Variants in ZFHX3 observed in about 807,000 individuals in gnomAD.
The protein encoded by ZFHX3 is zinc finger homeobox 3.
Under a neutral mutation model 279.1 loss-of-function variants are expected in ZFHX3, and 42 were observed. The ratio of observed to expected loss-of-function variants is 0.15; its 90% confidence interval spans 0.12 to 0.19. The LOEUF is 0.19. Ranked by LOEUF, ZFHX3 falls within the 10% of genes least tolerant of loss-of-function variation. The pLI is 1.00. For synonymous variants in ZFHX3, 2,293 were observed against 1,957.8 expected (o/e 1.17, Z -4.52); for missense variants, 4,981 against 4,754.0 (o/e 1.05, Z -1.40).
intron 5 of ZFHX3, among the ~76,000 whole-genome samples, chr16:73,253,288 A>T (rs2013563960): frequency 6.6e-6 from 1 of 152,162 alleles, no homozygotes; most frequent in South Asian, 2.1e-4. Context: ...AAACAGCAAG[A>T]GTGTGGGTGT....
intron 1 of ZFHX3, among the ~76,000 whole-genome samples, chr16:73,726,638 G>A (rs987862413): frequency 3.3e-5 from 5 of 152,212 alleles, no homozygotes; most frequent in African/African-American, 1.2e-4. Context: ...GGAGGCCTCA[G>A]AGAGCTTTTA....
chr16:73,441,808 T>C (rs1297361510), intron 3 of ZFHX3, among the ~76,000 whole-genome samples: 3 of 152,162 alleles, frequency 2.0e-5, no homozygotes, highest in Non-Finnish European at 2.9e-5. Flanking sequence ...TGGAAAACCA[T>C]TGACTTGAAA....
At chr16:73,576,695 T>TA (rs1244014856) in intron 2 of ZFHX3, among the ~76,000 whole-genome samples, 2 of 117,290 alleles carry the variant, frequency 1.7e-5, no homozygotes, top group Non-Finnish European at 3.3e-5. Flanking sequence ...TAAAGAACAT[T>TA]AAAAAAACAA....
intron 4 of ZFHX3, among the ~76,000 whole-genome samples, chr16:72,854,742 A>C (rs2037706994): frequency 6.6e-6 from 1 of 152,090 alleles, no homozygotes; most frequent in African/African-American, 2.4e-5. Context: ...AGATCAGCAA[A>C]ACAAAACCAC....
At chr16:73,698,743 G>A (rs1307314499) in intron 1 of ZFHX3, among the ~76,000 whole-genome samples, 4 of 152,162 alleles carry the variant, frequency 2.6e-5, no homozygotes, top group Admixed American at 2.6e-4. Flanking sequence ...CTGAGGAAAT[G>A]TCACAGATAG....
chr16:73,843,659 T>C (rs2142372428), intron 1 of ZFHX3, among the ~76,000 whole-genome samples: 1 of 152,328 alleles, frequency 6.6e-6, no homozygotes, highest in South Asian at 2.1e-4. Context: ...CTGCCTTCAA[T>C]CCCCGCTTCT....
chr16:72,786,981 T>TA lies in ZFHX3; in HGVS notation c.*182dup. 2 of 490,582 alleles carry TA rather than the reference T, an allele frequency of 4.1e-6. No individual in the cohort carries two copies. Among genetic ancestry groups the TA allele is most frequent in the Non-Finnish European group, 6.1e-6 (2 of 327,354 alleles). The allele number at this position is 490,582 out of a possible 1,614,324, so 30.4% of individuals were successfully genotyped here. The stretch of plus-strand genomic sequence containing the variant: ...AAAAGAAAAGAAAAAGACAAGAATG[T>TA]AAAATCACCGGCATAGATAGGTATA... On this transcript the variant is annotated 3_prime_UTR_variant, in exon 10 of 10. Coordinates refer to ENST00000268489, the MANE Select transcript of ZFHX3 (RefSeq NM_006885.4).
intron 2 of ZFHX3, among the ~76,000 whole-genome samples, chr16:73,675,160 G>A (rs2052941989): frequency 6.6e-6 from 1 of 152,038 alleles, no homozygotes; most frequent in Non-Finnish European, 1.5e-5. Flanking sequence ...TATGTTAAGA[G>A]GGAATGTTTC....
chr16:73,101,932 G>A (rs1421392499), intron 7 of ZFHX3, among the ~76,000 whole-genome samples: 1 of 45,460 alleles, frequency 2.2e-5, no homozygotes, highest in Non-Finnish European at 4.5e-5. Flanking sequence ...TTTTTTTTTT[G>A]AGACAGGATC....
At chr16:73,802,734 A>G (rs1197598756) in intron 1 of ZFHX3, among the ~76,000 whole-genome samples, 1 of 152,222 alleles carries the variant, frequency 6.6e-6, no homozygotes, top group Non-Finnish European at 1.5e-5. Flanking sequence ...ACAAGAACAA[A>G]ATAACAATAG....
intron 1 of ZFHX3, among the ~76,000 whole-genome samples, chr16:73,712,778 C>T (rs533296934): frequency 4.6e-5 from 7 of 152,166 alleles, no homozygotes; most frequent in East Asian, 1.9e-4. Flanking sequence ...TTGTTTTCAC[C>T]GTAAGAGGGG....
At chr16:73,785,868 C>A (rs1021623043) in intron 1 of ZFHX3, among the ~76,000 whole-genome samples, 1 of 151,966 alleles carries the variant, frequency 6.6e-6, no homozygotes, top group Non-Finnish European at 1.5e-5. Context: ...CATTTCTAAT[C>A]TTGAATGATT....
At chr16:73,479,981 C>T (rs1331267875) in intron 2 of ZFHX3, among the ~76,000 whole-genome samples, 1 of 152,178 alleles carries the variant, frequency 6.6e-6, no homozygotes, top group African/African-American at 2.4e-5. Flanking sequence ...GGTGATGAAC[C>T]TGCTGTGATT....
chr16:72,923,743 G>C (rs1334916896), intron 3 of ZFHX3, among the ~76,000 whole-genome samples: 3 of 152,058 alleles, frequency 2.0e-5, no homozygotes, highest in African/African-American at 4.8e-5. Context: ...AGTAGATGAA[G>C]TAGATGAAGT....
intron 3 of ZFHX3, among the ~76,000 whole-genome samples, chr16:73,339,268 G>A (rs1028443636): frequency 6.6e-6 from 1 of 152,084 alleles, no homozygotes; most frequent in African/African-American, 2.4e-5. Context: ...TTCTTCACCT[G>A]CTCTCCTCTG....
At chr16:73,081,182 CACTA>C (rs1017922654) in intron 8 of ZFHX3, 22 of 152,334 alleles carry the variant, frequency 1.4e-4, no homozygotes, top group African/African-American at 5.3e-4. Context: ...TGATACCAAT[CACTA>C]ACTAATTTGT....
At chr16:73,089,117 T>A (rs543137815) in intron 8 of ZFHX3, among the ~76,000 whole-genome samples, 1 of 152,192 alleles carries the variant, frequency 6.6e-6, no homozygotes, top group Non-Finnish European at 1.5e-5. Flanking sequence ...ATTAATTGAT[T>A]TTTTGAGACA....
intron 1 of ZFHX3, among the ~76,000 whole-genome samples, chr16:73,743,912 A>G (rs1248855662): frequency 6.6e-6 from 1 of 152,090 alleles, no homozygotes; most frequent in Non-Finnish European, 1.5e-5. Flanking sequence ...AGCCTGGACA[A>G]CTCTACTGGG....
chr16:73,147,569 G>A (rs1180916151), intron 5 of ZFHX3, among the ~76,000 whole-genome samples: 1 of 151,006 alleles, frequency 6.6e-6, no homozygotes, highest in Admixed American at 6.6e-5. Flanking sequence ...GCGGGCGCCT[G>A]TAGTCCCAGC....
Sources: gnomAD v4.1 joint callset for allele counts (sites outside exome capture counted in the v4.1 genomes callset) on GRCh38, gnomAD v4.1.1 for gene constraint, MANE v1.5 for transcripts, NCBI Gene and HGNC (gene_info 2026-07-23, HGNC 2026-07-21) for gene names.